Variants in ADGRL2 observed in about 807,000 individuals in gnomAD.
The protein encoded by ADGRL2 is adhesion G protein-coupled receptor L2.
In ADGRL2, 44 loss-of-function variants were observed where a neutral mutation model predicts 157.4. That is an observed-to-expected ratio of 0.28 (90% confidence interval 0.22 to 0.36). The LOEUF is 0.36. Ranked by LOEUF, ADGRL2 falls within the 10% of genes least tolerant of loss-of-function variation. The pLI is 1.00. For synonymous variants in ADGRL2, 585 were observed against 624.7 expected (o/e 0.94, Z 0.95); for missense variants, 1,510 against 1,768.9 (o/e 0.85, Z 2.63).
Position 81,852,167 on chromosome 1 carries a change from T to A in ADGRL2, c.73+15110T>A, listed in dbSNP as rs184378168. ...CCACCTCGTTTTAAAACAATAGTGA[T>A]ATCTCTCAAATGAAAGCATTATTTT... On this transcript the variant is annotated intron_variant, in intron 2 of 23. Coordinates refer to ENST00000686636, the MANE Select transcript of ADGRL2 (RefSeq NM_001366006.2). Among the ~76,000 whole-genome samples, 197 of 152,222 alleles carry A rather than the reference T, an allele frequency of 1.3e-3. 2 individuals carry two copies. The highest frequency in any genetic ancestry group is 4.5e-3 in the African/African-American group (189 of 41,562).
At chr1:81,552,825 G>A (rs1011022164) in intron 2 of ADGRL2, among the ~76,000 whole-genome samples, 9 of 151,986 alleles carry the variant, frequency 5.9e-5, no homozygotes, top group South Asian at 4.2e-4. Context: ...TTACTCTGTC[G>A]GTGAGATACA....
intron 3 of ADGRL2, among the ~76,000 whole-genome samples, chr1:81,618,462 C>CT (rs2081712533): frequency 6.6e-6 from 1 of 152,184 alleles, no homozygotes; most frequent in African/African-American, 2.4e-5. Flanking sequence ...TCCCCAGGCA[C>CT]TAGCACAGTT....
chr1:81,581,872 GCGCACACACACACA>G (rs1422167387), intron 3 of ADGRL2, among the ~76,000 whole-genome samples: 6 of 85,358 alleles, frequency 7.0e-5, no homozygotes, highest in African/African-American at 2.6e-4. Flanking sequence ...ACACACATGC[GCGCACACACACACA>G]CACACACACA....
At chr1:81,370,517 G>C (rs2076143928) in intron 1 of ADGRL2, among the ~76,000 whole-genome samples, 1 of 152,020 alleles carries the variant, frequency 6.6e-6, no homozygotes. Context: ...AAGTGCTATT[G>C]TTCCTACATG....
At chr1:81,803,992 G>T (rs375615137) in intron 1 of ADGRL2, among the ~76,000 whole-genome samples, 1 of 152,154 alleles carries the variant, frequency 6.6e-6, no homozygotes, top group Non-Finnish European at 1.5e-5. Context: ...AGTCAGGTTT[G>T]ATCTTGGGCA....
At chr1:81,623,949 G>A (rs775186898) in intron 3 of ADGRL2, among the ~76,000 whole-genome samples, 1 of 151,954 alleles carries the variant, frequency 6.6e-6, no homozygotes, top group African/African-American at 2.4e-5. Flanking sequence ...TCTTTCTAAG[G>A]TGGGGACTGA....
intron 1 of ADGRL2, among the ~76,000 whole-genome samples, chr1:81,429,054 A>G (rs1476073437): frequency 3.3e-5 from 5 of 152,258 alleles, no homozygotes; most frequent in African/African-American, 1.2e-4. Flanking sequence ...TCACATTCCC[A>G]TATAGCATAA....
chr1:81,476,959 G>T (rs954616667), intron 2 of ADGRL2, among the ~76,000 whole-genome samples: 1 of 152,048 alleles, frequency 6.6e-6, no homozygotes, highest in Non-Finnish European at 1.5e-5. Context: ...AATATTACTG[G>T]TTTTGCATTT....
intron 1 of ADGRL2, among the ~76,000 whole-genome samples, chr1:81,810,824 G>A (rs1054424274): frequency 6.6e-6 from 1 of 151,712 alleles, no homozygotes; most frequent in South Asian, 2.1e-4. Flanking sequence ...CCTCATATGC[G>A]TCGACAAATA....
chr1:81,383,276 G>C (rs1222854397), intron 1 of ADGRL2, among the ~76,000 whole-genome samples: 1 of 152,074 alleles, frequency 6.6e-6, no homozygotes, highest in African/African-American at 2.4e-5. Context: ...ACCTGAGCTG[G>C]TTCCACTGAA....
At chr1:81,641,389 T>C (rs936799002) in intron 3 of ADGRL2, among the ~76,000 whole-genome samples, 1 of 152,168 alleles carries the variant, frequency 6.6e-6, no homozygotes, top group Non-Finnish European at 1.5e-5. Context: ...CAAACTCACA[T>C]TGGAATATTC....
chr1:81,893,743 A>G (rs1323122292), intron 2 of ADGRL2, among the ~76,000 whole-genome samples: 1 of 152,232 alleles, frequency 6.6e-6, no homozygotes, highest in Non-Finnish European at 1.5e-5. Context: ...AACTCTGCAG[A>G]AAAGTAGTAT....
chr1:81,586,134 C>A (rs1242010209), intron 3 of ADGRL2: 1 of 151,760 alleles, frequency 6.6e-6, no homozygotes, highest in Non-Finnish European at 1.5e-5. Flanking sequence ...TGTCTTGTTT[C>A]CAATTTTAGG....
At chr1:81,397,198 T>C (rs1221770540) in intron 1 of ADGRL2, among the ~76,000 whole-genome samples, 1 of 152,090 alleles carries the variant, frequency 6.6e-6, no homozygotes, top group Non-Finnish European at 1.5e-5. Flanking sequence ...TGGTAGGTTG[T>C]ATGTGTCCGG....
intron 3 of ADGRL2, among the ~76,000 whole-genome samples, chr1:81,927,632 A>G (rs1055656223): frequency 2.6e-5 from 4 of 152,106 alleles, no homozygotes; most frequent in Non-Finnish European, 5.9e-5. Context: ...CAAATTGTAT[A>G]ATATCCTAAC....
At chr1:81,560,058 T>A (rs6605238) in intron 2 of ADGRL2, among the ~76,000 whole-genome samples, 33,308 of 152,120 alleles carry the variant, frequency 0.22, 6,533 homozygotes, top group African/African-American at 0.51. Flanking sequence ...ATACCTTTTT[T>A]TAATCCAGAC....
chr1:81,730,965 CATGATTCAGAT>C (rs1170074081), intron 1 of ADGRL2, among the ~76,000 whole-genome samples: 1 of 152,134 alleles, frequency 6.6e-6, no homozygotes, highest in African/African-American at 2.4e-5. Context: ...ATTACCCTCC[CATGATTCAGAT>C]ATGGTAAAAT....
At chr1:81,837,789 T>A (rs1463676907) in intron 2 of ADGRL2, among the ~76,000 whole-genome samples, 1 of 151,956 alleles carries the variant, frequency 6.6e-6, no homozygotes, top group Non-Finnish European at 1.5e-5. Flanking sequence ...GTTTTCTTAG[T>A]CTTAAATATT....
At chr1:81,538,079 T>G (rs2079790151) in intron 2 of ADGRL2, among the ~76,000 whole-genome samples, 1 of 152,198 alleles carries the variant, frequency 6.6e-6, no homozygotes, top group African/African-American at 2.4e-5. Context: ...TAATCATGCT[T>G]TTTATAAATT....
Sources: gnomAD v4.1 joint callset for allele counts (sites outside exome capture counted in the v4.1 genomes callset) on GRCh38, gnomAD v4.1.1 for gene constraint, MANE v1.5 for transcripts, NCBI Gene and HGNC (gene_info 2026-07-23, HGNC 2026-07-21) for gene names.